Variants in PSMG2 observed in about 807,000 individuals in gnomAD.
PSMG2 encodes the protein CD40 ligand-activated specific transcript 3.
PSMG2 carries 21 observed loss-of-function variants against 31.5 expected under a neutral mutation model. The observed-to-expected ratio is 0.67, with a 90% confidence interval of 0.47 to 0.96. The LOEUF (loss-of-function observed/expected upper bound fraction) is 0.96, where lower values mean the gene tolerates loss of function less well. Ranked by LOEUF, PSMG2 falls within the 40% of genes least tolerant of loss-of-function variation. The probability of loss-of-function intolerance (pLI) is 0.00; values close to 1 mark genes in which losing one functional copy is unlikely to be tolerated. For missense variants in PSMG2, 318 were observed against 321.2 expected (o/e 0.99, Z 0.08); for synonymous variants, 120 against 110.4 (o/e 1.09, Z -0.54).
intron 1 of PSMG2, chr18:12,674,822 T>C (rs2039064713): frequency 1.0e-6 from 1 of 973,182 alleles, no homozygotes; most frequent in Non-Finnish European, 1.5e-6. Flanking sequence ...TAAATAAAAA[T>C]GTTGATTATT....
chr18:12,690,764 A>G (rs1346175944), intron 1 of PSMG2, among the ~76,000 whole-genome samples: 1 of 152,128 alleles, frequency 6.6e-6, no homozygotes, highest in Non-Finnish European at 1.5e-5. Context: ...TGACCTGACC[A>G]TATATTTTAT....
intron 1 of PSMG2, among the ~76,000 whole-genome samples, chr18:12,689,354 G>A (rs190286836): frequency 6.6e-6 from 1 of 152,170 alleles, no homozygotes; most frequent in Non-Finnish European, 1.5e-5. Context: ...GGAAAGAGGT[G>A]GCATAAACCA....
chr18:12,690,597 A>C (rs1328251905), intron 1 of PSMG2, among the ~76,000 whole-genome samples: 1 of 151,990 alleles, frequency 6.6e-6, no homozygotes, highest in Non-Finnish European at 1.5e-5. Context: ...CTGCGACTAT[A>C]GGAGCCCGCC....
chr18:12,695,880 A>G (rs2039938669), intron 1 of PSMG2, among the ~76,000 whole-genome samples: 2 of 150,380 alleles, frequency 1.3e-5, no homozygotes, highest in Admixed American at 1.3e-4. Flanking sequence ...ACACACACAC[A>G]CACACTAAAA....
At chr18:12,689,201 A>G (rs1434819179) in intron 1 of PSMG2, among the ~76,000 whole-genome samples, 1 of 152,164 alleles carries the variant, frequency 6.6e-6, no homozygotes, top group Non-Finnish European at 1.5e-5. Context: ...TAACGTTTTG[A>G]TTTATAACTA....
At chr18:12,677,287 A>G (rs2039170892) in intron 1 of PSMG2, among the ~76,000 whole-genome samples, 1 of 151,940 alleles carries the variant, frequency 6.6e-6, no homozygotes, top group South Asian at 2.1e-4. Flanking sequence ...AAAAAATACA[A>G]AAACTGGCAG....
Position 12,678,787 on chromosome 18 carries a change from C to T in PSMG2, c.-37+20014C>T, listed in dbSNP as rs557716177. Among the ~76,000 whole-genome samples the T allele has an allele frequency of 5.5e-4, 84 of 152,114 alleles. 1 individual carries two copies. Among genetic ancestry groups the T allele is most frequent in the African/African-American group, 2.0e-3 (83 of 41,510 alleles). ...CCTGACCAACATGGTGAAACCCCGTCTCTGCTAAAAATACAAAAATTAGCT... is the reference window on the plus strand; with the variant it reads ...CCTGACCAACATGGTGAAACCCCGTTTCTGCTAAAAATACAAAAATTAGCT... On this transcript the variant is annotated intron_variant, in intron 1 of 6. Transcript: ENST00000585331.
At chr18:12,725,328 C>G in intron 6 of PSMG2, 111 bp from the exon 7 acceptor site, 1 of 749,924 alleles carries the variant, frequency 1.3e-6, no homozygotes, top group Non-Finnish European at 2.1e-6. Flanking sequence ...TAAAACCTGG[C>G]TATAAAAGTG....
At chr18:12,662,929 A>G (rs563543899) in intron 1 of PSMG2, among the ~76,000 whole-genome samples, 1 of 152,330 alleles carries the variant, frequency 6.6e-6, no homozygotes, top group South Asian at 2.1e-4. Context: ...CTCCTTTAAG[A>G]TAATTATTTT....
chr18:12,688,087 C>CA lies in PSMG2; in HGVS notation c.-36-18455dup, dbSNP rs200845983. On this transcript the variant is annotated intron_variant, in intron 1 of 6. Transcript: ENST00000585331. ...TGAAACCCCATCTCCACTAAAAATA[C>CA]AAAAAAAATTAGCCAGGCATGTGGT... Among the ~76,000 whole-genome samples the CA allele has an allele frequency of 9.5e-3, 1,430 of 151,196 alleles. 24 individuals are homozygous for CA. The highest frequency in any genetic ancestry group is 0.033 in the African/African-American group (1,373 of 41,236).
At chr18:12,695,359 CAT>C (rs1336225872) in intron 1 of PSMG2, 14 of 1,369,166 alleles carry the variant, frequency 1.0e-5, no homozygotes, top group Non-Finnish European at 1.3e-5. Context: ...TGCCTATAAA[CAT>C]AAATATTTTG....
rs534483568 is a variant in PSMG2 at position 12,660,740 on chromosome 18, T to C, written c.-37+1967T>C. Reference sequence around the variant, plus strand: ...ACTGCACTGTATCACAAGACAGTTATATCCAACAGAAGGGCTTTTTTTTTT... The same window carrying C: ...ACTGCACTGTATCACAAGACAGTTACATCCAACAGAAGGGCTTTTTTTTTT... On this transcript the variant is annotated intron_variant, in intron 1 of 6. Transcript: ENST00000585331. Among the ~76,000 whole-genome samples, 19 of 152,314 alleles carry C rather than the reference T, an allele frequency of 1.2e-4. No homozygotes were observed. In the South Asian group the frequency reaches 3.9e-3, roughly 32 times the overall value.
chr18:12,690,903 T>C (rs148204612), intron 1 of PSMG2, among the ~76,000 whole-genome samples: 7 of 152,158 alleles, frequency 4.6e-5, no homozygotes, highest in Non-Finnish European at 1.0e-4. Flanking sequence ...TACAATTTTT[T>C]TTAAAACCCT....
Position 12,696,612 on chromosome 18 carries a change from T to C in PSMG2, c.-36-9938T>C, listed in dbSNP as rs543508631. 6.6e-5 allele frequency among the ~76,000 whole-genome samples: 10 copies of C among 152,324 alleles called. No homozygotes were observed. The South Asian group carries it at 8.3e-4, about 13-fold the overall frequency. On this transcript the variant is annotated intron_variant, in intron 1 of 6. Transcript: ENST00000585331. The stretch of plus-strand genomic sequence containing the variant: ...ACCAAAGTAATTCCATTATATGTTA[T>C]AGATAAAACATTGGTAGGTTTTGTT...
At chr18:12,675,058 G>T (rs1433894603) in intron 1 of PSMG2, among the ~76,000 whole-genome samples, 1 of 149,784 alleles carries the variant, frequency 6.7e-6, no homozygotes, top group East Asian at 1.9e-4. Flanking sequence ...GTCCTAATAT[G>T]GAGGACAGGT....
At chr18:12,665,706 AT>A (rs1051414189) in intron 1 of PSMG2, among the ~76,000 whole-genome samples, 2 of 151,790 alleles carry the variant, frequency 1.3e-5, no homozygotes, top group African/African-American at 2.4e-5. Flanking sequence ...TTTTTTTTTA[AT>A]TTTTTTTGAG....
At chr18:12,718,012 C>CTTTTTTTTTTTTTTTTTT (rs71174131) in intron 3 of PSMG2, among the ~76,000 whole-genome samples, 1 of 136,470 alleles carries the variant, frequency 7.3e-6, no homozygotes, top group African/African-American at 2.7e-5. Context: ...TTTCTTTTTT[C>CTTTTTTTTTTTTTTTTTT]TTTTTTTTTT....
intron 5 of PSMG2, among the ~76,000 whole-genome samples, chr18:12,723,885 A>G (rs947165236): frequency 2.0e-5 from 3 of 152,122 alleles, no homozygotes; most frequent in Non-Finnish European, 4.4e-5. Flanking sequence ...CTTGCCCAAC[A>G]TATCTGGTAA....
At chr18:12,702,937 C>T (rs568701214), upstream of PSMG2, 1,383 of 728,062 alleles carry the variant, frequency 1.9e-3, 2 homozygotes, top group Admixed American at 3.0e-3. Flanking sequence ...CGGCCTCTTT[C>T]CGCCCTCTGA....
Sources: allele counts gnomAD v4.1 joint callset (sites outside exome capture counted in the v4.1 genomes callset), GRCh38; gene constraint gnomAD v4.1.1; transcripts MANE v1.5; gene names NCBI Gene and HGNC (gene_info 2026-07-23, HGNC 2026-07-21).